The following RNF212B variants were observed in gnomAD, a reference collection of about 807,000 sequenced individuals.
RNF212B encodes E3 ubiquitin-protein ligase RNF212B.
In RNF212B, 52 loss-of-function variants were observed where a neutral mutation model predicts 55.5. The observed-to-expected ratio is 0.94, with a 90% CI of 0.75 to 1.18. RNF212B has a LOEUF of 1.18. Ranked by LOEUF, RNF212B falls within the 50% of genes most tolerant of loss-of-function variation. RNF212B has a pLI of 0.00. For synonymous variants in RNF212B, 99 were observed against 121.4 expected (o/e 0.82, Z 1.21); for missense variants, 289 against 350.4 (o/e 0.82, Z 1.40).
intron 2 of RNF212B, among the ~76,000 whole-genome samples, chr14:23,223,482 A>C (rs1323640671): frequency 7.2e-5 from 11 of 151,924 alleles, no homozygotes; most frequent in African/African-American, 2.7e-4. Context: ...CAGCCTCCCG[A>C]GTAGCTGGAC....
intron 4 of RNF212B, among the ~76,000 whole-genome samples, chr14:23,253,186 C>T (rs572623463): frequency 1.3e-5 from 2 of 152,266 alleles, no homozygotes; most frequent in Non-Finnish European, 2.9e-5. Context: ...AATATAACCA[C>T]ATCATGCTAA....
At chr14:23,239,856 T>G (rs541741757) in intron 1 of RNF212B, among the ~76,000 whole-genome samples, 3 of 152,174 alleles carry the variant, frequency 2.0e-5, no homozygotes, top group East Asian at 1.9e-4. Context: ...TGACTTCAGG[T>G]GATCCACCTG....
At chr14:23,261,764 G>A (rs1265830927) in intron 7 of RNF212B, among the ~76,000 whole-genome samples, 4 of 152,050 alleles carry the variant, frequency 2.6e-5, no homozygotes, top group Non-Finnish European at 5.9e-5. Context: ...GATTGAGACC[G>A]TTCTGGCTAA....
chr14:23,189,431 C>T (rs1021861202), intron 1 of RNF212B, among the ~76,000 whole-genome samples: 1 of 152,150 alleles, frequency 6.6e-6, no homozygotes, highest in Non-Finnish European at 1.5e-5. Flanking sequence ...TTATTCTCTT[C>T]TCTCCTACAT....
intron 2 of RNF212B, among the ~76,000 whole-genome samples, chr14:23,224,078 T>C (rs573792335): frequency 6.6e-6 from 1 of 151,942 alleles, no homozygotes; most frequent in Non-Finnish European, 1.5e-5. Context: ...ATGAAAGAAA[T>C]TGAGGAGAAC....
intron 1 of RNF212B, among the ~76,000 whole-genome samples, chr14:23,190,947 C>T (rs1878059276): frequency 6.6e-6 from 1 of 152,196 alleles, no homozygotes; most frequent in East Asian, 1.9e-4. Context: ...AAGCCTCCAT[C>T]AGGGTCAGTC....
intron 2 of RNF212B, among the ~76,000 whole-genome samples, chr14:23,221,357 G>A (rs1484900523): frequency 6.6e-6 from 1 of 151,920 alleles, no homozygotes; most frequent in Non-Finnish European, 1.5e-5. Flanking sequence ...AGTTATAAAA[G>A]ACAAAATAGA....
chr14:23,204,087 T>C (rs1879598851), intron 2 of RNF212B, among the ~76,000 whole-genome samples: 1 of 152,176 alleles, frequency 6.6e-6, no homozygotes, highest in African/African-American at 2.4e-5. Context: ...TTTTTCTTAC[T>C]GATTTGTTTG....
intron 1 of RNF212B, among the ~76,000 whole-genome samples, chr14:23,187,737 G>C (rs1484405087): frequency 6.6e-6 from 1 of 152,002 alleles, no homozygotes; most frequent in Non-Finnish European, 1.5e-5. Context: ...CCTTCTTCTC[G>C]TAACTATGTG....
In RNF212B at chr14:23,262,664, G is replaced by C. The variant is rs1566438497; in HGVS notation, c.435-1G>C. The C allele has an allele frequency of 1.9e-6, 3 of 1,548,888 alleles. No homozygotes were observed. The highest frequency in any genetic ancestry group is 2.0e-5 in the Admixed American group (1 of 50,710). On this transcript the variant is annotated splice_acceptor_variant, in intron 7 of 14. Transcript: ENST00000430154. LOFTEE classifies it high-confidence loss of function. ...GCCGCCTCTTTTTTTTTCCCTTGCA[G>C]GTCAATCACACCTCGACCAGTGGGC...
At chr14:23,212,012 G>A (rs1880569816) in intron 2 of RNF212B, among the ~76,000 whole-genome samples, 1 of 152,092 alleles carries the variant, frequency 6.6e-6, no homozygotes, top group South Asian at 2.1e-4. Context: ...ACAGGCATGA[G>A]CCACCGTGCC....
rs1363305368 is a variant in RNF212B, at chr14:23,262,530, A to G, written c.435-135A>G. On this transcript the variant is annotated intron_variant, in intron 7 of 14. Transcript: ENST00000430154. ...TTCCATATTTTAGGATGCTACCTAT[A>G]ATACATGAGAGTAAGCAATTTGTCC... 6.8e-6 allele frequency: 5 copies of G among 735,762 alleles called. No individual in the cohort carries two copies. The East Asian group carries it at 1.4e-4, about 20-fold the overall frequency. The allele number at this position is 735,762 out of a possible 1,614,324, so 45.6% of individuals were successfully genotyped here. A position where few individuals can be genotyped will look rare whatever the true frequency, so the allele number is the denominator to read the frequency against.
At chr14:23,227,937 C>A (rs1039987544) in intron 2 of RNF212B, among the ~76,000 whole-genome samples, 1 of 149,598 alleles carries the variant, frequency 6.7e-6, no homozygotes, top group Non-Finnish European at 1.5e-5. Context: ...TTTTAAAAAT[C>A]TCATCAGGCA....
At chr14:23,249,363 T>C (rs1163527292) in intron 4 of RNF212B, among the ~76,000 whole-genome samples, 1 of 152,034 alleles carries the variant, frequency 6.6e-6, no homozygotes, top group Non-Finnish European at 1.5e-5. Flanking sequence ...TTGGGCAACA[T>C]AGTGAAACCC....
chr14:23,245,249 T>C (rs1354786322), intron 4 of RNF212B, among the ~76,000 whole-genome samples: 2 of 152,128 alleles, frequency 1.3e-5, no homozygotes, highest in African/African-American at 4.8e-5. Context: ...CAATCCTCAC[T>C]CTAGAGATGG....
chr14:23,195,336 G>T (rs1019354539), intron 2 of RNF212B, among the ~76,000 whole-genome samples: 1 of 151,638 alleles, frequency 6.6e-6, no homozygotes, highest in African/African-American at 2.4e-5. Context: ...CACAGATTTA[G>T]AAAACATGGA....
chr14:23,194,498 G>A (rs1878443530), intron 2 of RNF212B, among the ~76,000 whole-genome samples: 1 of 152,090 alleles, frequency 6.6e-6, no homozygotes, highest in African/African-American at 2.4e-5. Flanking sequence ...AGCACTTTGG[G>A]AGGCTGAGGT....
chr14:23,218,120 G>T (rs1012515425), intron 2 of RNF212B, among the ~76,000 whole-genome samples: 2 of 152,030 alleles, frequency 1.3e-5, no homozygotes, highest in Non-Finnish European at 2.9e-5. Context: ...TGTAATCCTA[G>T]CACTTTGGGA....
chr14:23,223,498 G>C (rs1485031413), intron 2 of RNF212B, among the ~76,000 whole-genome samples: 7 of 152,190 alleles, frequency 4.6e-5, no homozygotes, highest in African/African-American at 1.7e-4. Context: ...TGGACTACAG[G>C]CGCCCGCCAT....
Sources: allele counts gnomAD v4.1 joint callset (sites outside exome capture counted in the v4.1 genomes callset), GRCh38; gene constraint gnomAD v4.1.1; transcripts MANE v1.5; gene names NCBI Gene and HGNC (gene_info 2026-07-23, HGNC 2026-07-21).